MYOF: variants seen among roughly 807,000 people sequenced by gnomAD.
MYOF encodes the protein myoferlin, also known as fer-1-like 3, myoferlin.
Under a neutral mutation model 284.2 loss-of-function variants are expected in MYOF, and 244 were observed. The ratio of observed to expected loss-of-function variants is 0.86; its 90% CI spans 0.77 to 0.95. The LOEUF (loss-of-function observed/expected upper bound fraction) is 0.95. Among genes scored for constraint, MYOF ranks in the 40% least tolerant of loss-of-function variants. The pLI is 0.00. For synonymous variants in MYOF, 904 were observed against 919.7 expected, an observed-to-expected ratio of 0.98 and a Z score of 0.31; for missense variants, 2,496 against 2,560.6, an observed-to-expected ratio of 0.97 and a Z score of 0.54.
chr10:93,423,036 G>A (rs1304211116), intron 5 of MYOF, among the ~76,000 whole-genome samples: 2 of 151,906 alleles, frequency 1.3e-5, no homozygotes, highest in Admixed American at 6.6e-5. Flanking sequence ...GTTGAATACT[G>A]TCCCCTCAAA....
At chr10:93,398,668 T>A (rs1847134479) in intron 13 of MYOF, among the ~76,000 whole-genome samples, 1 of 152,194 alleles carries the variant, frequency 6.6e-6, no homozygotes, top group African/African-American at 2.4e-5. Flanking sequence ...CTGAAGGCTT[T>A]TCTACCACAC....
intron 1 of MYOF, among the ~76,000 whole-genome samples, chr10:93,463,027 C>G (rs1347309529): frequency 6.6e-6 from 1 of 152,196 alleles, no homozygotes; most frequent in Admixed American, 6.5e-5. Context: ...AGAGCACACT[C>G]TGAGTGTGCT....
intron 3 of MYOF, among the ~76,000 whole-genome samples, chr10:93,445,794 C>T (rs543421899): frequency 1.3e-5 from 2 of 152,284 alleles, no homozygotes; most frequent in African/African-American, 4.8e-5. Context: ...CACAGGCCAT[C>T]GCCATGGCAA....
intron 9 of MYOF, among the ~76,000 whole-genome samples, chr10:93,403,258 C>G (rs1036983764): frequency 8.5e-5 from 13 of 152,080 alleles, no homozygotes; most frequent in Non-Finnish European, 2.9e-5. Context: ...CTGTCCAGTT[C>G]TCCTCCTCCT....
chr10:93,385,067 G>A (rs1285979867), intron 19 of MYOF, among the ~76,000 whole-genome samples: 1 of 152,222 alleles, frequency 6.6e-6, no homozygotes, highest in Non-Finnish European at 1.5e-5. Context: ...TAGTTGAGTA[G>A]GAGAGAGAAT....
rs756350204 is a variant in MYOF, at chr10:93,340,153, C to A, written c.4338G>T (p.Lys1446Asn). 8 of 1,613,686 alleles carry A rather than the reference C, an allele frequency of 5.0e-6. No homozygotes were observed. In the East Asian group the frequency reaches 1.8e-4, roughly 36 times the overall value. Residue 1446 changes from lysine (K) to asparagine (N), a missense_variant and splice_region_variant, in exon 39 of 54, where the codon AAG becomes AAT. By Grantham distance (94) the Lys-to-Asn change is moderately conservative. Around this residue, in one of 3 missense-constraint regions of MYOF, gnomAD observed 2,436 missense variants for 2,480.7 expected, o/e 0.98. Coordinates refer to ENST00000359263, the MANE Select transcript of MYOF (RefSeq NM_013451.4). ...KPLLASKLTE[K>N]EEEIVDWWSK... ...GTAGCAAAATGTATACCATAGTTAC[C>A]TTTTCTGTCAGCTGCTCGTGCACAT...
chr10:93,438,170 C>T (rs1401161217), intron 3 of MYOF, among the ~76,000 whole-genome samples: 1 of 152,102 alleles, frequency 6.6e-6, no homozygotes, highest in South Asian at 2.1e-4. Flanking sequence ...GTGACATTTC[C>T]TCTTAGGAAT....
At chr10:93,405,196 G>C (rs1462134892) in intron 7 of MYOF, among the ~76,000 whole-genome samples, 1 of 152,110 alleles carries the variant, frequency 6.6e-6, no homozygotes, top group Non-Finnish European at 1.5e-5. Flanking sequence ...ACATTTACAT[G>C]CATCTCCTAA....
intron 23 of MYOF, among the ~76,000 whole-genome samples, chr10:93,373,425 G>T (rs1185205361): frequency 6.6e-6 from 1 of 152,282 alleles, no homozygotes; most frequent in East Asian, 1.9e-4. Context: ...GCAGTCAAAA[G>T]GTTACAGATT....
At chr10:93,360,931 C>T (rs886113048) in intron 28 of MYOF, among the ~76,000 whole-genome samples, 1 of 152,180 alleles carries the variant, frequency 6.6e-6, no homozygotes, top group Non-Finnish European at 1.5e-5. Flanking sequence ...ATGTTTTTCA[C>T]TCTTAACACC....
chr10:93,401,792 C>CGTGTGTGTGT (rs57326000), intron 11 of MYOF, among the ~76,000 whole-genome samples: 8 of 94,496 alleles, frequency 8.5e-5, no homozygotes, highest in Non-Finnish European at 1.3e-4. Context: ...AGAGCCTGTG[C>CGTGTGTGTGT]GTGTGTGTGT....
intron 3 of MYOF, among the ~76,000 whole-genome samples, chr10:93,439,370 C>T (rs891756375): frequency 1.3e-5 from 2 of 152,116 alleles, no homozygotes; most frequent in Non-Finnish European, 2.9e-5. Flanking sequence ...GTTATTTTCA[C>T]CTGACCAATT....
intron 39 of MYOF, chr10:93,338,355 A>G (rs1373212231): frequency 2.2e-6 from 1 of 457,042 alleles, no homozygotes; most frequent in Non-Finnish European, 4.4e-6. Context: ...AAAAATTGGA[A>G]AAACTGGTTT....
intron 3 of MYOF, among the ~76,000 whole-genome samples, chr10:93,441,997 AACACACACACACACACACAC>A (rs34488205): frequency 7.5e-6 from 1 of 132,972 alleles, no homozygotes; most frequent in Non-Finnish European, 1.6e-5. Flanking sequence ...CCTCAACCTG[AACACACACACACACACACAC>A]ACACACACAC....
rs780833447 is a variant in MYOF at position 93,330,209 on chromosome 10, TAG to T, written c.4812-377_4812-376del. Among the ~76,000 whole-genome samples, 74 of 152,280 alleles carry T rather than the reference TAG, an allele frequency of 4.9e-4. 1 individual carries two copies. The highest frequency in any genetic ancestry group is 6.5e-4 in the Non-Finnish European group (44 of 68,014). On this transcript the variant is annotated intron_variant, in intron 43 of 53. Coordinates refer to ENST00000359263, the MANE Select transcript of MYOF (RefSeq NM_013451.4). ...TATAAGTGTCAAGTGAAGAAATATT[TAG>T]AGAGCATCTGACATGAGTGCATCGC...
chr10:93,428,768 C>T (rs1848708884), intron 4 of MYOF, among the ~76,000 whole-genome samples: 1 of 152,170 alleles, frequency 6.6e-6, no homozygotes. Context: ...ATCATAAGAG[C>T]AGCATCTCAT....
At position 93,436,360 on chromosome 10, in the gene MYOF, C is replaced by A. The variant is rs145923273; in HGVS notation, c.237-4844G>T. On this transcript the variant is annotated intron_variant, in intron 3 of 53. Transcript: ENST00000359263. ...ACAGAAACCAATTATAAAGGCTAACCTCAATTTCTTCTTTTAGAAATCTTT... is the reference window on the plus strand; with the variant it reads ...ACAGAAACCAATTATAAAGGCTAACATCAATTTCTTCTTTTAGAAATCTTT... 5.1e-3 allele frequency among the ~76,000 whole-genome samples: 780 copies of A among 152,298 alleles called. 3 individuals carry two copies. Among genetic ancestry groups the A allele is most frequent in the African/African-American group, 0.018 (740 of 41,560 alleles).
rs147556642 is a variant in MYOF at position 93,312,259 on chromosome 10, A to G, written c.5889+761T>C. The stretch of plus-strand genomic sequence containing the variant: ...CACTATTGCTTCTAGATCAAAATAC[A>G]TCTTGAGTTCCTCAACTTGCTTGTA... On this transcript the variant is annotated intron_variant, in intron 51 of 53. Transcript: ENST00000359263. 4.8e-3 allele frequency among the ~76,000 whole-genome samples: 730 copies of G among 152,360 alleles called. 6 individuals carry two copies. The highest frequency in any genetic ancestry group is 7.6e-3 in the Non-Finnish European group (514 of 68,036).
chr10:93,340,732 G>GT (rs199777036), intron 38 of MYOF, among the ~76,000 whole-genome samples: 16 of 149,534 alleles, frequency 1.1e-4, no homozygotes, highest in African/African-American at 4.0e-4. Context: ...AGGATGTCAA[G>GT]TTTCCATTGG....
Sources: allele counts gnomAD v4.1 joint callset (sites outside exome capture counted in the v4.1 genomes callset), GRCh38; gene constraint gnomAD v4.1.1; regional missense constraint gnomAD v4.1.1; transcripts MANE v1.5; gene names NCBI Gene and HGNC (gene_info 2026-07-23, HGNC 2026-07-21).